Variants in RASGEF1A observed in about 807,000 individuals in gnomAD.
RASGEF1A encodes ras-GEF domain-containing family member 1A.
RASGEF1A carries 18 observed loss-of-function variants against 56.4 expected under a neutral mutation model. The observed-to-expected ratio is 0.32, with a 90% CI of 0.22 to 0.47. RASGEF1A has a LOEUF of 0.47. Ranked by LOEUF, RASGEF1A falls within the 20% of genes least tolerant of loss-of-function variation. RASGEF1A has a pLI of 1.00. For missense variants in RASGEF1A, 422 were observed against 627.1 expected (o/e 0.67, Z 3.49); for synonymous variants, 245 against 242.6 (o/e 1.01, Z -0.09).
chr10:43,205,691 C>T (rs904365719), intron 2 of RASGEF1A, among the ~76,000 whole-genome samples: 2 of 152,160 alleles, frequency 1.3e-5, no homozygotes, highest in African/African-American at 4.8e-5. Flanking sequence ...CCTGGGGCAG[C>T]AGCAGGGAAG....
chr10:43,209,862 G>A (rs1840042417), intron 1 of RASGEF1A, among the ~76,000 whole-genome samples: 1 of 152,098 alleles, frequency 6.6e-6, no homozygotes, highest in South Asian at 2.1e-4. Flanking sequence ...GTGGTCCCCA[G>A]AGCAGGAGCA....
At chr10:43,210,079 G>A (rs1473720984) in intron 1 of RASGEF1A, among the ~76,000 whole-genome samples, 1 of 152,240 alleles carries the variant, frequency 6.6e-6, no homozygotes, top group African/African-American at 2.4e-5. Context: ...CACATCTGCT[G>A]CTGAGCAAGA....
chr10:43,199,787 G>A lies in RASGEF1A; in HGVS notation c.757-19C>T, dbSNP rs189494581. 8 of 1,599,970 alleles carry A rather than the reference G, an allele frequency of 5.0e-6. No individual in the cohort carries two copies. The highest frequency in any genetic ancestry group is 2.2e-5 in the East Asian group (1 of 44,812). On this transcript the variant is annotated intron_variant, in intron 6 of 12. Transcript: ENST00000395810. ...CTCGGCACTGGAAAGGACACAGCAG[G>A]TCATAGGGGGCCTGGAGGACCATGG...
At chr10:43,237,139 T>A (rs917782409) in intron 1 of RASGEF1A, among the ~76,000 whole-genome samples, 25 of 151,424 alleles carry the variant, frequency 1.7e-4, no homozygotes, top group Middle Eastern at 3.4e-3. Flanking sequence ...TTGTTGGGGG[T>A]CTCATAACCA....
At chr10:43,238,588 G>A (rs1428845541) in intron 1 of RASGEF1A, among the ~76,000 whole-genome samples, 4 of 152,318 alleles carry the variant, frequency 2.6e-5, no homozygotes, top group East Asian at 1.9e-4. Context: ...TGAGGGTCCC[G>A]TGGGTTTCCC....
At position 43,196,668 on chromosome 10, in the gene RASGEF1A, A is replaced by C. The variant is rs1171887291; in HGVS notation, c.1349-120T>G. ...ACAGTGACCTCTGGCTGGGCTGAAC[A>C]CAGTTCTCTGCTGTGCGGGGCTCTC... is the stretch of plus-strand genomic sequence containing the variant. On this transcript the variant is annotated intron_variant, in intron 11 of 12. Transcript: ENST00000395810. This position sits in a 1 kb window ranked among gnomAD's most constrained non-coding sequence, Gnocchi z 4.6. 8 of 982,970 alleles carry C rather than the reference A, an allele frequency of 8.1e-6. No individual in the cohort carries two copies. Among genetic ancestry groups the C allele is most frequent in the Non-Finnish European group, 1.1e-5 (7 of 629,646 alleles). 60.9% of individuals were successfully genotyped at this position (982,970 alleles called of 1,614,324 possible).
In RASGEF1A at chr10:43,205,985, G is replaced by A; in HGVS notation, c.132C>T (p.His44=). ...GSGDLIFQDG[H]LISGSLEALM... is the part of the protein sequence containing the mutation. ...GGGCCTCCAGGGACCCAGAGATGAGGTGTCCATCTTGGAAGATGAGGTCCC... is the reference window on the plus strand; with the variant it reads ...GGGCCTCCAGGGACCCAGAGATGAGATGTCCATCTTGGAAGATGAGGTCCC... Residue 44 remains histidine, a synonymous_variant, in exon 2 of 13, where the codon CAC becomes CAT. Transcript: ENST00000395810. 6.2e-7 allele frequency: 1 copy of A among 1,613,190 alleles called. No individual in the cohort carries two copies. The highest frequency in any genetic ancestry group is 8.5e-7 in the Non-Finnish European group (1 of 1,179,958).
chr10:43,259,503 C>T (rs1341952816), intron 1 of RASGEF1A, among the ~76,000 whole-genome samples: 1 of 152,206 alleles, frequency 6.6e-6, no homozygotes, highest in African/African-American at 2.4e-5. Context: ...ACTCCGGAGT[C>T]CCCATGGAAT....
At chr10:43,220,020 G>A (rs1588938260) in intron 1 of RASGEF1A, among the ~76,000 whole-genome samples, 1 of 152,148 alleles carries the variant, frequency 6.6e-6, no homozygotes, top group Admixed American at 6.5e-5. Context: ...GGCAGCCTCT[G>A]GGAAACAGCA....
At chr10:43,266,140 G>A (rs1836618968) in intron 1 of RASGEF1A, among the ~76,000 whole-genome samples, 2 of 152,324 alleles carry the variant, frequency 1.3e-5, no homozygotes, top group African/African-American at 2.4e-5. Context: ...ACAGGAACCT[G>A]CCAGCGCGTC....
intron 1 of RASGEF1A, among the ~76,000 whole-genome samples, chr10:43,229,294 C>CG (rs1395457689): frequency 1.3e-5 from 2 of 152,234 alleles, no homozygotes; most frequent in African/African-American, 4.8e-5. Context: ...GACCACCCCT[C>CG]GCCCGGCACA....
At chr10:43,208,655 C>T in intron 1 of RASGEF1A, 1 of 985,600 alleles carries the variant, frequency 1.0e-6, no homozygotes, top group Non-Finnish European at 1.2e-6. Context: ...GTCCTGCCTA[C>T]CTGGAGACCC....
intron 6 of RASGEF1A, 84 bp downstream of exon 6, chr10:43,200,098 G>T: frequency 1.7e-6 from 2 of 1,159,596 alleles, no homozygotes; most frequent in Non-Finnish European, 2.5e-6. Flanking sequence ...GGCGTGCTGA[G>T]TGAGGCCCAC....
rs1246912423 is a variant in RASGEF1A, at chr10:43,266,835, C to T, written c.-7+10G>A. On this transcript the variant is annotated intron_variant, in intron 1 of 12. Transcript: ENST00000395810. ...CCCCGAGGCACTGAGGGTCCGCGGCCGCTGCCTACCTCGGTCCGGGCCAGC... is the reference window on the plus strand; with the variant it reads ...CCCCGAGGCACTGAGGGTCCGCGGCTGCTGCCTACCTCGGTCCGGGCCAGC... 2.5e-4 allele frequency: 36 copies of T among 145,952 alleles called. No homozygotes were observed. Among genetic ancestry groups the T allele is most frequent in the Non-Finnish European group, 1.5e-4 (10 of 65,738 alleles). The allele number at this position is 145,952 out of a possible 1,614,324, so 9.0% of individuals were successfully genotyped here.
At chr10:43,250,316 T>G (rs1840613880) in intron 1 of RASGEF1A, among the ~76,000 whole-genome samples, 1 of 152,160 alleles carries the variant, frequency 6.6e-6, no homozygotes, top group South Asian at 2.1e-4. Context: ...TGGACACACC[T>G]GAGCAGCTAT....
rs531900234 is a variant in RASGEF1A at position 43,205,097 on chromosome 10, C to T, written c.198+822G>A. The stretch of plus-strand genomic sequence containing the variant: ...GGTGAAGCCAGGCTGACTGCAGCCC[C>T]GTTCAGTGGAAGCTAGAGGGCAGCA... On this transcript the variant is annotated intron_variant, in intron 2 of 12. Transcript: ENST00000395810. Among the ~76,000 whole-genome samples, 44 of 152,326 alleles carry T rather than the reference C, an allele frequency of 2.9e-4. 1 individual carries two copies. The highest frequency in any genetic ancestry group is 2.1e-3 in the South Asian group (10 of 4,830).
chr10:43,260,253 TGGGCACCGGCAGGGTGGACCGA>T (rs1836500979), intron 1 of RASGEF1A, among the ~76,000 whole-genome samples: 1 of 152,126 alleles, frequency 6.6e-6, no homozygotes, highest in Non-Finnish European at 1.5e-5. Flanking sequence ...CACCCAGGCC[TGGGCACCGGCAGGGTGGACCGA>T]GGGCACCAGC....
At chr10:43,199,339 T>C in intron 7 of RASGEF1A, 145 bp from the exon 8 acceptor site, 1 of 689,700 alleles carries the variant, frequency 1.4e-6, no homozygotes, top group South Asian at 1.7e-5. Flanking sequence ...TGGCTGCGTC[T>C]GGGAGGTCCA....
intron 1 of RASGEF1A, among the ~76,000 whole-genome samples, chr10:43,231,013 G>A (rs1313843265): frequency 3.3e-5 from 5 of 152,192 alleles, no homozygotes; most frequent in East Asian, 1.9e-4. Context: ...GCCTGGAACC[G>A]CTTCCCACTG....
Sources: gnomAD v4.1 joint callset for allele counts (sites outside exome capture counted in the v4.1 genomes callset) on GRCh38, gnomAD v4.1.1 for gene constraint, Gnocchi (gnomAD v3.1) non-coding constraint, MANE v1.5 for transcripts, NCBI Gene and HGNC (gene_info 2026-07-23, HGNC 2026-07-21) for gene names.